Variants in PSMB3 observed in about 807,000 individuals in gnomAD.
PSMB3 encodes the protein proteasome subunit beta type-3.
In PSMB3, 5 loss-of-function variants were observed where a neutral mutation model predicts 23.3. The observed-to-expected ratio is 0.21, with a 90% CI of 0.11 to 0.45. The LOEUF is 0.45. Among genes scored for constraint, PSMB3 ranks in the 20% least tolerant of loss-of-function variants. The pLI is 0.99. For missense variants in PSMB3, 192 were observed against 277.9 expected, an observed-to-expected ratio of 0.69 and a Z score of 2.20; for synonymous variants, 85 against 99.8, an observed-to-expected ratio of 0.85 and a Z score of 0.88.
rs762570732 is a variant in PSMB3 at position 38,752,867 on chromosome 17, G to T, written c.3+38G>T. On this transcript the variant is annotated intron_variant, in intron 1 of 5. Transcript: ENST00000619426. This position sits in a 1 kb window ranked among gnomAD's most constrained non-coding sequence, Gnocchi z 5.5. ...GTTAAAGCAAAGGGGCATGGGGAAGGATTGAGAAGCGGAGGGGGTCAGGAG... is the reference window on the plus strand; with the variant it reads ...GTTAAAGCAAAGGGGCATGGGGAAGTATTGAGAAGCGGAGGGGGTCAGGAG... 3 of 1,613,378 alleles carry T rather than the reference G, an allele frequency of 1.9e-6. No individual in the cohort carries two copies. The highest frequency in any genetic ancestry group is 2.5e-6 in the Non-Finnish European group (3 of 1,179,678).
chr17:38,753,403 G>C, intron 2 of PSMB3, 69 bp downstream of exon 2: 1 of 1,510,208 alleles, frequency 6.6e-7, no homozygotes, highest in Non-Finnish European at 9.0e-7. Flanking sequence ...CGTCTTGACC[G>C]GCCAAGGTGT....
At chr17:38,760,151 A>G (rs1018211210) in intron 3 of PSMB3, among the ~76,000 whole-genome samples, 1 of 152,232 alleles carries the variant, frequency 6.6e-6, no homozygotes, top group African/African-American at 2.4e-5. Flanking sequence ...GGAGGATTAG[A>G]AGAAAACAAT....
intron 3 of PSMB3, 65 bp downstream of exon 3, chr17:38,756,055 A>C: frequency 7.8e-7 from 1 of 1,277,744 alleles, no homozygotes; most frequent in Non-Finnish European, 1.1e-6. Context: ...TGGAGTAGGT[A>C]CTGAGGAAGA....
In PSMB3 at chr17:38,764,110, C is replaced by T. The variant is rs1404028618; in HGVS notation, c.570-9C>T. Reference sequence around the variant, plus strand: ...AGAGATGTTTTCTTGTGATTTTCTCCCTCTGCAGCGAGAAGGACAAAATCA... The same window carrying T: ...AGAGATGTTTTCTTGTGATTTTCTCTCTCTGCAGCGAGAAGGACAAAATCA... On this transcript the variant is annotated splice_polypyrimidine_tract_variant and intron_variant, in intron 5 of 5. Coordinates refer to ENST00000619426, the MANE Select transcript of PSMB3 (RefSeq NM_002795.4). 6 of 1,614,122 alleles carry T rather than the reference C, an allele frequency of 3.7e-6. No individual in the cohort carries two copies. The South Asian group carries it at 5.5e-5, about 15-fold the overall frequency.
At chr17:38,757,302 T>C (rs924686535) in intron 3 of PSMB3, among the ~76,000 whole-genome samples, 25 of 146,316 alleles carry the variant, frequency 1.7e-4, no homozygotes, top group Non-Finnish European at 3.5e-4. Flanking sequence ...GTGGATCACT[T>C]GAGGTCAGGA....
chr17:38,756,216 C>T (rs1262890290), intron 3 of PSMB3, among the ~76,000 whole-genome samples: 1 of 152,200 alleles, frequency 6.6e-6, no homozygotes, highest in Non-Finnish European at 1.5e-5. Context: ...AAATTTGCAT[C>T]TAGGCAAAAG....
At chr17:38,759,599 C>T (rs1908349673) in intron 3 of PSMB3, among the ~76,000 whole-genome samples, 1 of 151,026 alleles carries the variant, frequency 6.6e-6, no homozygotes, top group Non-Finnish European at 1.5e-5. Flanking sequence ...GGCTGGAGTG[C>T]AGTGGCGCGA....
intron 5 of PSMB3, 124 bp from the exon 6 acceptor site, chr17:38,763,995 G>T: frequency 1.0e-6 from 1 of 1,004,910 alleles, no homozygotes; most frequent in Non-Finnish European, 1.5e-6. Flanking sequence ...GAGGCAGCGG[G>T]CAGCTATTTG....
In PSMB3 at chr17:38,752,758, C is replaced by A; in HGVS notation, c.-69C>A. 2 of 1,591,624 alleles carry A rather than the reference C, an allele frequency of 1.3e-6. No homozygotes were observed. Among genetic ancestry groups the A allele is most frequent in the Non-Finnish European group, 1.7e-6 (2 of 1,159,532 alleles). ...GAAGAGACAGCAGTGAGAGCGGTTGCGCAGTGAAGGCTAGACCCGGTTTAC... is the reference window on the plus strand; with the variant it reads ...GAAGAGACAGCAGTGAGAGCGGTTGAGCAGTGAAGGCTAGACCCGGTTTAC... On this transcript the variant is annotated 5_prime_UTR_variant, in exon 1 of 6. Coordinates refer to ENST00000619426, the MANE Select transcript of PSMB3 (RefSeq NM_002795.4). This position sits in a 1 kb window ranked among gnomAD's most constrained non-coding sequence, Gnocchi z 5.5.
In PSMB3 at chr17:38,752,747, GA is replaced by G. The variant is rs1283716521; in HGVS notation, c.-79del. 4.8e-5 allele frequency: 75 copies of G among 1,556,346 alleles called. No homozygotes were observed. Among genetic ancestry groups the G allele is most frequent in the Non-Finnish European group, 6.2e-5 (70 of 1,127,482 alleles). The stretch of plus-strand genomic sequence containing the variant: ...TATCAGCCAATGAAGAGACAGCAGT[GA>G]GAGCGGTTGCGCAGTGAAGGCTAGA... On this transcript the variant is annotated 5_prime_UTR_variant, in exon 1 of 6. Coordinates refer to ENST00000619426, the MANE Select transcript of PSMB3 (RefSeq NM_002795.4). The surrounding 1 kb of genome is among the most constrained non-coding windows in gnomAD (Gnocchi z 5.5).
intron 5 of PSMB3, among the ~76,000 whole-genome samples, 155 bp downstream of exon 5, chr17:38,762,660 C>A (rs1908493578): frequency 6.6e-6 from 1 of 152,188 alleles, no homozygotes; most frequent in Non-Finnish European, 1.5e-5. Context: ...TCCATGCCTC[C>A]CTATGGCTGG....
Position 38,755,893 on chromosome 17 carries a change from C to A in PSMB3, c.199C>A (p.Leu67Ile). 2 of 1,614,042 alleles carry A rather than the reference C, an allele frequency of 1.2e-6. No individual in the cohort carries two copies. The highest frequency in any genetic ancestry group is 8.5e-7 in the Non-Finnish European group (1 of 1,179,996). The change falls in exon 3 of 6, where the codon CTC (leucine) becomes ATC (isoleucine). Residue 67 changes from leucine to isoleucine, a missense_variant. Physicochemically the swap from Leu to Ile is conservative, Grantham distance 5. Coordinates refer to ENST00000619426, the MANE Select transcript of PSMB3 (RefSeq NM_002795.4). ...TTTCTCCTACCTCAGTGCCCAGCGCCTCAAGTTCCGGCTGAACCTGTATGA... is the reference window on the plus strand; with the variant it reads ...TTTCTCCTACCTCAGTGCCCAGCGCATCAAGTTCCGGCTGAACCTGTATGA... ...ATDVQTVAQR[L>I]KFRLNLYELK...
chr17:38,759,836 C>T (rs74790819), intron 3 of PSMB3, among the ~76,000 whole-genome samples: 10,856 of 152,056 alleles, frequency 0.071, 1,305 homozygotes, highest in African/African-American at 0.25. Flanking sequence ...TGTGAGCCAC[C>T]GCGCCTGGCC....
chr17:38,752,998 C>A lies in PSMB3; in HGVS notation c.4-152C>A. ...AGAGGGTGAGTGCGGCTCATTGCCG[C>A]CACACAGTGCTCATCCCAGCTGGAG... On this transcript the variant is annotated intron_variant, in intron 1 of 5. Transcript: ENST00000619426. The surrounding 1 kb of genome is among the most constrained non-coding windows in gnomAD (Gnocchi z 5.5). The A allele has an allele frequency of 8.1e-7, 1 of 1,234,140 alleles. No individual in the cohort carries two copies. The highest frequency in any genetic ancestry group is 1.1e-6 in the Non-Finnish European group (1 of 889,034). 76.4% of individuals were successfully genotyped at this position (1,234,140 alleles called of 1,614,324 possible).
intron 5 of PSMB3, among the ~76,000 whole-genome samples, chr17:38,763,432 G>A (rs1908529566): frequency 6.7e-6 from 1 of 150,324 alleles, no homozygotes; most frequent in Non-Finnish European, 1.5e-5. Context: ...TCTTTGGGGT[G>A]AAACACACCA....
At chr17:38,754,534 T>C (rs1908076032) in intron 2 of PSMB3, among the ~76,000 whole-genome samples, 1 of 152,130 alleles carries the variant, frequency 6.6e-6, no homozygotes, top group Non-Finnish European at 1.5e-5. Flanking sequence ...TCCCTGAGTC[T>C]CAAGAACATA....
In PSMB3 at chr17:38,757,343, A is replaced by C. The variant is rs184636160; in HGVS notation, c.296+1353A>C. On this transcript the variant is annotated intron_variant, in intron 3 of 5. Coordinates refer to ENST00000619426, the MANE Select transcript of PSMB3 (RefSeq NM_002795.4). ...AGACCAGCCTGGTCAACATGGTGAA[A>C]CCTCATCTCTACTAAAAATACAAAA... is the stretch of plus-strand genomic sequence containing the variant. 2.7e-5 allele frequency among the ~76,000 whole-genome samples: 4 copies of C among 145,586 alleles called. No homozygotes were observed. In the East Asian group the frequency reaches 8.3e-4, roughly 30 times the overall value.
At position 38,756,004 on chromosome 17, in the gene PSMB3, T is replaced by C. The variant is rs1220612672; in HGVS notation, c.296+14T>C. The C allele has an allele frequency of 6.4e-7, 1 of 1,566,888 alleles. No individual in the cohort carries two copies. Among genetic ancestry groups the C allele is most frequent in the Non-Finnish European group, 8.8e-7 (1 of 1,137,142 alleles). On this transcript the variant is annotated intron_variant, in intron 3 of 5. Coordinates refer to ENST00000619426, the MANE Select transcript of PSMB3 (RefSeq NM_002795.4). Reference sequence around the variant, plus strand: ...GTATGAGAAACGGTGAGTGCAAGTGTAGCTAGCACTGAGGGAATGCAGACA... The same window carrying C: ...GTATGAGAAACGGTGAGTGCAAGTGCAGCTAGCACTGAGGGAATGCAGACA...
chr17:38,757,676 G>A (rs1023078315), intron 3 of PSMB3, among the ~76,000 whole-genome samples: 3 of 152,192 alleles, frequency 2.0e-5, no homozygotes, highest in South Asian at 2.1e-4. Context: ...TTAGCTGGGC[G>A]TGGTGGCACA....
Sources: gnomAD v4.1 joint callset for allele counts (sites outside exome capture counted in the v4.1 genomes callset) on GRCh38, gnomAD v4.1.1 for gene constraint, Gnocchi (gnomAD v3.1) non-coding constraint, MANE v1.5 for transcripts, NCBI Gene and HGNC (gene_info 2026-07-23, HGNC 2026-07-21) for gene names.